Variants in KIAA0319L observed in about 807,000 individuals in gnomAD.
KIAA0319L encodes KIAA0319 like.
In KIAA0319L, 55 loss-of-function variants were observed where a neutral mutation model predicts 120.1. That is an observed-to-expected ratio of 0.46 (90% CI 0.37 to 0.57). KIAA0319L has a LOEUF of 0.57. Among genes scored for constraint, KIAA0319L ranks in the 20% least tolerant of loss-of-function variants. The pLI, the probability that KIAA0319L is intolerant of heterozygous loss-of-function variation, is 0.00. For synonymous variants in KIAA0319L, 398 were observed against 471.9 expected, an observed-to-expected ratio of 0.84 and a Z score of 2.03; for missense variants, 1,049 against 1,255.3, an observed-to-expected ratio of 0.84 and a Z score of 2.48.
At position 35,479,126 on chromosome 1, in the gene KIAA0319L, T is replaced by C. The variant is rs1644035144; in HGVS notation, c.753A>G (p.Gln251=). 1 of 1,614,176 alleles carries C rather than the reference T, an allele frequency of 6.2e-7. No homozygotes were observed. Among genetic ancestry groups the C allele is most frequent in the Non-Finnish European group, 8.5e-7 (1 of 1,180,010 alleles). ...TAGCAAGACCCTCTGATATTTCAGG[T>C]TGCACTGATACATTCTTTGGCCCAC... ...LSGGPKNVSV[Q]PEISEGLATT... Residue 251 remains glutamine, a synonymous_variant, in exon 4 of 21, where the codon CAA becomes CAG. Coordinates refer to ENST00000325722, the MANE Select transcript of KIAA0319L (RefSeq NM_024874.5).
Position 35,444,308 on chromosome 1 carries a change from A to G in KIAA0319L, c.2514-5T>C. 6.2e-7 allele frequency: 1 copy of G among 1,603,284 alleles called. No individual in the cohort carries two copies. Among genetic ancestry groups the G allele is most frequent in the Non-Finnish European group, 8.5e-7 (1 of 1,175,544 alleles). ...ACAAAAAATACCATTTTGGTGCTGC[A>G]GAGACATGCAACAGTACTAATGAGC... On this transcript the variant is annotated splice_polypyrimidine_tract_variant and splice_region_variant and intron_variant, in intron 16 of 20. Coordinates refer to ENST00000325722, the MANE Select transcript of KIAA0319L (RefSeq NM_024874.5).
At chr1:35,510,041 G>A (rs539047792) in intron 2 of KIAA0319L, 1 of 152,550 alleles carries the variant, frequency 6.6e-6, no homozygotes, top group South Asian at 2.1e-4. Context: ...AAGAGGCCTG[G>A]ATTGAGAGGG....
chr1:35,458,567 T>C (rs1558332953), intron 9 of KIAA0319L, among the ~76,000 whole-genome samples: 1 of 152,168 alleles, frequency 6.6e-6, no homozygotes, highest in Non-Finnish European at 1.5e-5. Context: ...AGGTTAACCT[T>C]GTGGTTAAAA....
intron 9 of KIAA0319L, among the ~76,000 whole-genome samples, chr1:35,457,629 G>A (rs1187270110): frequency 7.2e-5 from 11 of 152,184 alleles, no homozygotes; most frequent in Non-Finnish European, 1.3e-4. Context: ...GCATAAGCAA[G>A]CAAGGAGGTT....
intron 20 of KIAA0319L, 195 bp downstream of exon 20, chr1:35,440,852 G>C: frequency 1.7e-6 from 1 of 592,684 alleles, no homozygotes; most frequent in Non-Finnish European, 3.0e-6. Flanking sequence ...AGTAGCACGC[G>C]AAGTGGGTCC....
chr1:35,548,076 G>GT (rs1290026312), intron 2 of KIAA0319L, among the ~76,000 whole-genome samples: 1 of 151,208 alleles, frequency 6.6e-6, no homozygotes, highest in Non-Finnish European at 1.5e-5. Context: ...AGCTGAGATC[G>GT]TACCACTGCA....
At chr1:35,484,785 T>C (rs1187611375) in intron 3 of KIAA0319L, among the ~76,000 whole-genome samples, 2 of 62,140 alleles carry the variant, frequency 3.2e-5, no homozygotes, top group African/African-American at 6.7e-5. Context: ...TATATATATA[T>C]ATATATATAT....
chr1:35,533,255 C>T (rs894217438), intron 2 of KIAA0319L: 3 of 152,168 alleles, frequency 2.0e-5, no homozygotes, highest in South Asian at 2.1e-4. Context: ...AGAGACAGAA[C>T]GTCCCCTGTT....
At chr1:35,440,914 A>T in intron 20 of KIAA0319L, 133 bp downstream of exon 20, 1 of 788,850 alleles carries the variant, frequency 1.3e-6, no homozygotes, top group Non-Finnish European at 2.2e-6. Flanking sequence ...CTCAGTCTTC[A>T]TCAGGCAAAA....
chr1:35,555,524 C>T (rs1468254643), intron 1 of KIAA0319L, among the ~76,000 whole-genome samples: 1 of 152,228 alleles, frequency 6.6e-6, no homozygotes, highest in African/African-American at 2.4e-5. Flanking sequence ...TGAAGGACTT[C>T]ATCGTTCTCA....
intron 2 of KIAA0319L, among the ~76,000 whole-genome samples, chr1:35,545,740 C>T (rs1646957615): frequency 6.6e-6 from 1 of 151,980 alleles, no homozygotes. Context: ...AGTAAAAATA[C>T]AAAAATTAGC....
intron 2 of KIAA0319L, among the ~76,000 whole-genome samples, chr1:35,513,540 T>C (rs1057017941): frequency 6.6e-6 from 1 of 151,882 alleles, no homozygotes; most frequent in African/African-American, 2.4e-5. Flanking sequence ...TTGCTTGAGC[T>C]TGGGAGATAC....
At chr1:35,542,139 T>C (rs1421444931) in intron 2 of KIAA0319L, among the ~76,000 whole-genome samples, 1 of 152,232 alleles carries the variant, frequency 6.6e-6, no homozygotes, top group Non-Finnish European at 1.5e-5. Flanking sequence ...TAGACAAGAA[T>C]TTAACCATAT....
chr1:35,487,755 T>A (rs1281972884), intron 3 of KIAA0319L, among the ~76,000 whole-genome samples: 4 of 152,234 alleles, frequency 2.6e-5, no homozygotes, highest in African/African-American at 9.6e-5. Flanking sequence ...GGAGAATGCA[T>A]TCAATTTTAA....
rs1491235994 is a variant in KIAA0319L, at chr1:35,484,817, T to TTA, written c.667-5606_667-5605insTA. On this transcript the variant is annotated intron_variant, in intron 3 of 20. Coordinates refer to ENST00000325722, the MANE Select transcript of KIAA0319L (RefSeq NM_024874.5). The stretch of plus-strand genomic sequence containing the variant: ...ATATATATATATATATTTTTTTTTT[T>TTA]ATTATACTCTAAGTTTTAGGGTACA... 1.2e-3 allele frequency among the ~76,000 whole-genome samples: 172 copies of TTA among 139,174 alleles called. 5 individuals are homozygous for TTA. The highest frequency in any genetic ancestry group is 6.6e-3 in the South Asian group (29 of 4,396). 91.3% of individuals were successfully genotyped at this position (139,174 alleles called of 152,430 possible).
chr1:35,435,888 G>C (rs1020704489), intron 20 of KIAA0319L, among the ~76,000 whole-genome samples: 9 of 152,194 alleles, frequency 5.9e-5, no homozygotes, highest in Non-Finnish European at 1.0e-4. Context: ...AAAAACTCCA[G>C]AGAAAACAAA....
intron 9 of KIAA0319L, among the ~76,000 whole-genome samples, chr1:35,459,324 G>C (rs548882563): frequency 6.9e-4 from 105 of 152,180 alleles, no homozygotes; most frequent in Non-Finnish European, 1.1e-3. Context: ...TCTGCATTTA[G>C]GGCCAGGCAC....
chr1:35,494,228 C>A (rs760956615), intron 3 of KIAA0319L, among the ~76,000 whole-genome samples: 1 of 152,014 alleles, frequency 6.6e-6, no homozygotes, highest in Non-Finnish European at 1.5e-5. Flanking sequence ...AAAGGTGGAT[C>A]ACGAGGTCAG....
rs564197991 is a variant in KIAA0319L at position 35,513,940 on chromosome 1, G to T, written c.143-6805C>A. 5.3e-5 allele frequency among the ~76,000 whole-genome samples: 8 copies of T among 152,258 alleles called. No homozygotes were observed. The East Asian group carries it at 7.7e-4, about 15-fold the overall frequency. ...GGAGAATTACCAAATTTCAGGGAAAGAAATATTTTAAAAATATATTTAGTT... is the reference window on the plus strand; with the variant it reads ...GGAGAATTACCAAATTTCAGGGAAATAAATATTTTAAAAATATATTTAGTT... On this transcript the variant is annotated intron_variant, in intron 2 of 20. Transcript: ENST00000325722.
Sources: gnomAD v4.1 joint callset for allele counts (sites outside exome capture counted in the v4.1 genomes callset) on GRCh38, gnomAD v4.1.1 for gene constraint, MANE v1.5 for transcripts, NCBI Gene and HGNC (gene_info 2026-07-23, HGNC 2026-07-21) for gene names.